Variants in CD96 observed in about 807,000 individuals in gnomAD.
The protein encoded by CD96 is CD96 molecule, also known as T-cell surface protein tactile.
A neutral mutation model predicts 71.3 loss-of-function variants in CD96; 70 were observed. The ratio of observed to expected loss-of-function variants is 0.98; its 90% confidence interval spans 0.81 to 1.20. The LOEUF (loss-of-function observed/expected upper bound fraction) is 1.20. Among genes scored for constraint, CD96 ranks in the 50% most tolerant of loss-of-function variants. CD96 has a pLI of 0.00. For missense variants in CD96, 742 were observed against 677.5 expected, an observed-to-expected ratio of 1.10 and a Z score of -1.06; for synonymous variants, 248 against 233.0, an observed-to-expected ratio of 1.06 and a Z score of -0.59.
At chr3:111,622,409 T>C (rs566529506) in intron 8 of CD96, among the ~76,000 whole-genome samples, 6 of 152,230 alleles carry the variant, frequency 3.9e-5, no homozygotes, top group Admixed American at 6.5e-5. Context: ...CTAAGTATTT[T>C]ATATGTATGA....
At chr3:111,586,834 A>G (rs1390904076) in intron 5 of CD96, among the ~76,000 whole-genome samples, 2 of 152,164 alleles carry the variant, frequency 1.3e-5, no homozygotes, top group Non-Finnish European at 2.9e-5. Flanking sequence ...GTGGTGACAC[A>G]GCCAAACCAT....
At chr3:111,544,293 C>T (rs1439358534) in intron 1 of CD96, among the ~76,000 whole-genome samples, 1 of 152,080 alleles carries the variant, frequency 6.6e-6, no homozygotes, top group Non-Finnish European at 1.5e-5. Context: ...TACAGGCGTG[C>T]ACCACCACGC....
chr3:111,615,900 GA>G, intron 8 of CD96, among the ~76,000 whole-genome samples: 1 of 152,178 alleles, frequency 6.6e-6, no homozygotes, highest in Non-Finnish European at 1.5e-5. Flanking sequence ...AACATACCAG[GA>G]TTTCTCTCAT....
At chr3:111,621,638 T>C (rs983464973) in intron 8 of CD96, among the ~76,000 whole-genome samples, 1 of 152,180 alleles carries the variant, frequency 6.6e-6, no homozygotes, top group African/African-American at 2.4e-5. Flanking sequence ...TGGTGATCCA[T>C]AGGTTTGTAA....
chr3:111,582,027 T>A (rs1166921020), intron 4 of CD96, among the ~76,000 whole-genome samples: 1 of 152,032 alleles, frequency 6.6e-6, no homozygotes, highest in Non-Finnish European at 1.5e-5. Flanking sequence ...CACATCAGAG[T>A]TATCCCACAT....
At chr3:111,601,206 TTTG>T (rs1163146531) in intron 7 of CD96, among the ~76,000 whole-genome samples, 2 of 152,220 alleles carry the variant, frequency 1.3e-5, no homozygotes, top group African/African-American at 4.8e-5. Flanking sequence ...AGTTAGCATT[TTTG>T]TTAATCCATC....
chr3:111,638,176 A>G lies in CD96; in HGVS notation c.1477+8A>G, dbSNP rs1381283035. 6.6e-7 allele frequency: 1 copy of G among 1,509,062 alleles called. No homozygotes were observed. The highest frequency in any genetic ancestry group is 9.2e-7 in the Non-Finnish European group (1 of 1,084,386). 93.5% of individuals were successfully genotyped at this position (1,509,062 alleles called of 1,614,324 possible). A position where few individuals can be genotyped will look rare whatever the true frequency, so the allele number is the denominator to read the frequency against. ...ATCACGTCCATATCACTGGTAAGTC[A>G]TTTATCCTATTTTGGGGGATTTTAT... is the stretch of plus-strand genomic sequence containing the variant. On this transcript the variant is annotated splice_region_variant and intron_variant, in intron 12 of 13. Coordinates refer to ENST00000352690, the MANE Select transcript of CD96 (RefSeq NM_005816.5).
At chr3:111,590,178 CT>C (rs1936912394) in intron 5 of CD96, among the ~76,000 whole-genome samples, 1 of 152,180 alleles carries the variant, frequency 6.6e-6, no homozygotes, top group Non-Finnish European at 1.5e-5. Flanking sequence ...TCTTCCAGCA[CT>C]TATTAACTCT....
intron 14 of CD96, among the ~76,000 whole-genome samples, chr3:111,665,072 T>G (rs150722279): frequency 0.016 from 2,507 of 152,284 alleles, 22 homozygotes; most frequent in South Asian, 0.03. Flanking sequence ...TACATGCATG[T>G]ATAGATATAC....
chr3:111,573,962 T>C (rs1461145898), intron 3 of CD96, among the ~76,000 whole-genome samples: 1 of 152,214 alleles, frequency 6.6e-6, no homozygotes, highest in African/African-American at 2.4e-5. Flanking sequence ...GTTAGAAATA[T>C]ATTGTTCTGG....
intron 2 of CD96, among the ~76,000 whole-genome samples, chr3:111,562,330 C>A (rs912831652): frequency 1.3e-5 from 2 of 152,128 alleles, no homozygotes; most frequent in Non-Finnish European, 2.9e-5. Flanking sequence ...GTCACACATC[C>A]CTGATTCCTC....
intron 8 of CD96, among the ~76,000 whole-genome samples, chr3:111,615,616 G>A (rs1305659933): frequency 6.6e-6 from 1 of 152,102 alleles, no homozygotes; most frequent in Non-Finnish European, 1.5e-5. Context: ...GCGTGCATGT[G>A]TGTTTTAATA....
At chr3:111,551,390 G>A (rs1477440474) in intron 2 of CD96, among the ~76,000 whole-genome samples, 2 of 152,122 alleles carry the variant, frequency 1.3e-5, no homozygotes, top group African/African-American at 4.8e-5. Context: ...AAATATTGCA[G>A]TCTACATAAA....
chr3:111,633,583 A>G (rs1414787452), intron 10 of CD96: 1 of 152,240 alleles, frequency 6.6e-6, no homozygotes. Context: ...GCCTGCACCA[A>G]TTTCTGGGGG....
At chr3:111,583,472 G>A (rs918208709) in intron 4 of CD96, among the ~76,000 whole-genome samples, 1 of 152,216 alleles carries the variant, frequency 6.6e-6, no homozygotes, top group East Asian at 1.9e-4. Context: ...TAGGGACTCT[G>A]TGTGGGGGCT....
At chr3:111,612,166 G>T (rs892204464) in intron 8 of CD96, among the ~76,000 whole-genome samples, 3 of 152,200 alleles carry the variant, frequency 2.0e-5, no homozygotes, top group Non-Finnish European at 2.9e-5. Flanking sequence ...TATGGTAGGT[G>T]ATAGTTGCAA....
chr3:111,625,535 G>A (rs1938709050), intron 10 of CD96, among the ~76,000 whole-genome samples: 1 of 151,992 alleles, frequency 6.6e-6, no homozygotes, highest in Non-Finnish European at 1.5e-5. Context: ...AGAGGAGACT[G>A]TTCAGCAAAA....
intron 1 of CD96, among the ~76,000 whole-genome samples, chr3:111,543,686 T>C (rs963594780): frequency 1.3e-5 from 2 of 152,228 alleles, no homozygotes; most frequent in African/African-American, 4.8e-5. Context: ...CTCCCAGCAT[T>C]GCTAACAAGT....
intron 12 of CD96, among the ~76,000 whole-genome samples, chr3:111,645,552 C>G (rs962049179): frequency 2.0e-5 from 3 of 152,052 alleles, no homozygotes; most frequent in African/African-American, 7.2e-5. Flanking sequence ...TTTGTTCTTT[C>G]CTTTATCTAA....
Sources: gnomAD v4.1 joint callset for allele counts (sites outside exome capture counted in the v4.1 genomes callset) on GRCh38, gnomAD v4.1.1 for gene constraint, MANE v1.5 for transcripts, NCBI Gene and HGNC (gene_info 2026-07-23, HGNC 2026-07-21) for gene names.